The following AMBRA1 variants were observed in gnomAD, a reference collection of about 807,000 sequenced individuals.
AMBRA1 encodes the protein activating molecule in BECN1-regulated autophagy protein 1.
Under a neutral mutation model 125.4 loss-of-function variants are expected in AMBRA1, and 47 were observed. The observed-to-expected ratio is 0.37, with a 90% CI of 0.30 to 0.48. The LOEUF (loss-of-function observed/expected upper bound fraction) is 0.48. Ranked by LOEUF, AMBRA1 falls within the 20% of genes least tolerant of loss-of-function variation. The probability of loss-of-function intolerance (pLI) is 0.99; values close to 1 mark genes in which losing one functional copy is unlikely to be tolerated. For synonymous variants in AMBRA1, 626 were observed against 655.5 expected, an observed-to-expected ratio of 0.95 and a Z score of 0.69; for missense variants, 1,331 against 1,693.4, an observed-to-expected ratio of 0.79 and a Z score of 3.76.
chr11:46,572,528 C>T lies in AMBRA1; in HGVS notation c.-121+21300G>A, dbSNP rs959401222. ...GTTTAAAAACGAACTTCATCAAAAA[C>T]GAGCACACTAAGCACCCACCATGAG... is the stretch of plus-strand genomic sequence containing the variant. On this transcript the variant is annotated intron_variant, in intron 1 of 17. Coordinates refer to ENST00000683756, the MANE Select transcript of AMBRA1 (RefSeq NM_001387011.1). 7.9e-5 allele frequency among the ~76,000 whole-genome samples: 12 copies of T among 152,224 alleles called. No individual in the cohort carries two copies. The East Asian group carries it at 2.1e-3, about 27-fold the overall frequency.
chr11:46,399,803 A>G (rs1285866678), intron 17 of AMBRA1, among the ~76,000 whole-genome samples: 1 of 152,212 alleles, frequency 6.6e-6, no homozygotes, highest in African/African-American at 2.4e-5. Context: ...CCCGGAAAAG[A>G]GTCAACTGAC....
Position 46,543,998 on chromosome 11 carries a change from T to C in AMBRA1, c.595A>G (p.Ile199Val), listed in dbSNP as rs1446600860. The change falls in exon 6 of 18, where the codon ATT becomes GTT. Residue 199 changes from isoleucine to valine, a missense_variant. Ile to Val is a conservative substitution (Grantham distance 29). Transcript: ENST00000683756. ...DPLGHYLLTA[I>V]VNPSNQQGDD... ...ACCTGTTGATTAGAGGGGTTAACAATTGCTGTGAGTAAGTAGTGTCCAAGT... is the reference window on the plus strand; with the variant it reads ...ACCTGTTGATTAGAGGGGTTAACAACTGCTGTGAGTAAGTAGTGTCCAAGT... The C allele has an allele frequency of 1.9e-6, 3 of 1,613,884 alleles. No homozygotes were observed. The highest frequency in any genetic ancestry group is 1.7e-5 in the Admixed American group (1 of 59,990).
intron 4 of AMBRA1, 157 bp downstream of exon 4, chr11:46,546,956 A>C: frequency 3.1e-6 from 2 of 643,134 alleles, no homozygotes; most frequent in Non-Finnish European, 5.2e-6. Flanking sequence ...CTGTAATCCC[A>C]GCTACTTGGG....
At chr11:46,488,046 A>C (rs1202110856) in intron 11 of AMBRA1, among the ~76,000 whole-genome samples, 1 of 152,232 alleles carries the variant, frequency 6.6e-6, no homozygotes, top group African/African-American at 2.4e-5. Context: ...TTTAAGACAA[A>C]AAATATTACT....
intron 9 of AMBRA1, chr11:46,494,957 C>T (rs534670880): frequency 2.0e-5 from 3 of 152,216 alleles, no homozygotes; most frequent in Admixed American, 6.5e-5. Context: ...GGCTAGGCCA[C>T]GAAGTATTAT....
chr11:46,557,300 CAAAAAAA>C (rs540969219), intron 1 of AMBRA1, among the ~76,000 whole-genome samples: 1 of 49,150 alleles, frequency 2.0e-5, no homozygotes, highest in Non-Finnish European at 4.1e-5. Flanking sequence ...GACTCCATCT[CAAAAAAA>C]AAAAAAAAAA....
At chr11:46,426,699 A>G (rs915451942) in intron 14 of AMBRA1, among the ~76,000 whole-genome samples, 5 of 152,230 alleles carry the variant, frequency 3.3e-5, no homozygotes, top group Admixed American at 3.3e-4. Context: ...GAAGAAAAGA[A>G]CTTTTTGAGG....
chr11:46,415,906 T>C (rs1025355990), intron 15 of AMBRA1, among the ~76,000 whole-genome samples: 1 of 152,164 alleles, frequency 6.6e-6, no homozygotes, highest in African/African-American at 2.4e-5. Context: ...CCAAAGTCAG[T>C]TTCATGTTTG....
chr11:46,435,178 T>C, intron 12 of AMBRA1, 141 bp from the exon 13 acceptor site: 1 of 762,620 alleles, frequency 1.3e-6, no homozygotes, highest in Non-Finnish European at 2.0e-6. Flanking sequence ...TCATTCAAAC[T>C]AAAATGTCAA....
In AMBRA1 at chr11:46,397,738, G is replaced by A; in HGVS notation, c.3609C>T (p.Thr1203=). 6.2e-7 allele frequency: 1 copy of A among 1,612,950 alleles called. No homozygotes were observed. The highest frequency in any genetic ancestry group is 8.5e-7 in the Non-Finnish European group (1 of 1,179,994). ...QTGTEPGAAH[T]SSPQPSTSRG... ...GAGAGGTGGAGGGCTGGGGTGAGGA[G>A]GTGTGGGCGGCACCAGGTTCAGTGC... is the stretch of plus-strand genomic sequence containing the variant. Residue 1203 remains threonine (T), a synonymous_variant, in exon 18 of 18, where the codon ACC becomes ACT. Transcript: ENST00000683756.
intron 1 of AMBRA1, among the ~76,000 whole-genome samples, chr11:46,576,320 G>A (rs570610556): frequency 7.4e-4 from 112 of 152,288 alleles, no homozygotes; most frequent in Non-Finnish European, 1.3e-3. Context: ...TGTAGACGGG[G>A]TCTCCGTATG....
intron 11 of AMBRA1, among the ~76,000 whole-genome samples, chr11:46,463,836 G>A (rs1290857584): frequency 6.6e-6 from 1 of 152,234 alleles, no homozygotes; most frequent in South Asian, 2.1e-4. Flanking sequence ...CCCTCTGCAA[G>A]TTGGTAAAAC....
At chr11:46,440,183 A>C (rs889223818) in intron 12 of AMBRA1, among the ~76,000 whole-genome samples, 22 of 152,174 alleles carry the variant, frequency 1.4e-4, no homozygotes, top group African/African-American at 5.1e-4. Context: ...AAATGACCTA[A>C]AGGTCCTTTA....
chr11:46,441,007 C>T (rs552978794), intron 12 of AMBRA1, among the ~76,000 whole-genome samples: 3 of 152,150 alleles, frequency 2.0e-5, no homozygotes, highest in African/African-American at 7.2e-5. Context: ...TAATGTACTA[C>T]AAGGTTTGGT....
At chr11:46,563,246 TTTTG>T (rs762503147) in intron 1 of AMBRA1, among the ~76,000 whole-genome samples, 1 of 152,050 alleles carries the variant, frequency 6.6e-6, no homozygotes, top group Non-Finnish European at 1.5e-5. Context: ...CATCTCTTTT[TTTTG>T]TTTGTTTTTG....
Position 46,542,808 on chromosome 11 carries a change from A to G in AMBRA1, c.1209T>C (p.Pro403=). ...RSLGGPLSSH[P]SRYHREIAPG... Reference sequence around the variant, plus strand: ...GAGCTATTTCTCGGTGATACCTAGAAGGGTGGCTAGACAGAGGCCCTCCCA... The same window carrying G: ...GAGCTATTTCTCGGTGATACCTAGAGGGGTGGCTAGACAGAGGCCCTCCCA... Residue 403 remains proline, a synonymous_variant, in exon 7 of 18, where the codon CCT becomes CCC. Coordinates refer to ENST00000683756, the MANE Select transcript of AMBRA1 (RefSeq NM_001387011.1). The surrounding 1 kb of genome is among the most constrained non-coding windows in gnomAD (Gnocchi z 5.9). 6.2e-7 allele frequency: 1 copy of G among 1,614,044 alleles called. No homozygotes were observed. The highest frequency in any genetic ancestry group is 1.1e-5 in the South Asian group (1 of 91,054).
In AMBRA1 at chr11:46,512,104, C is replaced by A. The variant is rs558133359; in HGVS notation, c.2159+623G>T. Among the ~76,000 whole-genome samples the A allele has an allele frequency of 3.3e-5, 5 of 152,370 alleles. No homozygotes were observed. In the East Asian group the frequency reaches 5.8e-4, roughly 18 times the overall value. On this transcript the variant is annotated intron_variant, in intron 8 of 17. Transcript: ENST00000683756. ...CTCCTGACCTCAAGTGATTTGCCCG[C>A]CTCAGCCTCCCAAAGTGATGGGATT...
At chr11:46,510,941 A>T (rs1230527039) in intron 8 of AMBRA1, among the ~76,000 whole-genome samples, 1 of 152,238 alleles carries the variant, frequency 6.6e-6, no homozygotes, top group Non-Finnish European at 1.5e-5. Flanking sequence ...TTAAATGTTT[A>T]AATAAATCCT....
At chr11:46,590,945 A>G (rs2135348816) in intron 1 of AMBRA1, among the ~76,000 whole-genome samples, 1 of 152,142 alleles carries the variant, frequency 6.6e-6, no homozygotes, top group South Asian at 2.1e-4. Flanking sequence ...AAAAAGAAAA[A>G]AAGCTGAATG....
Sources: allele counts gnomAD v4.1 joint callset (sites outside exome capture counted in the v4.1 genomes callset), GRCh38; gene constraint gnomAD v4.1.1; non-coding constraint Gnocchi (gnomAD v3.1); transcripts MANE v1.5; gene names NCBI Gene and HGNC (gene_info 2026-07-23, HGNC 2026-07-21).